BMPER: variants seen among roughly 807,000 people sequenced by gnomAD.
BMPER encodes BMP binding endothelial regulator.
Under a neutral mutation model 87.3 loss-of-function variants are expected in BMPER, and 45 were observed. That is an observed-to-expected ratio of 0.52 (90% CI 0.41 to 0.66). The LOEUF is 0.66. Among genes scored for constraint, BMPER ranks in the 30% least tolerant of loss-of-function variants. The probability of loss-of-function intolerance (pLI) is 0.00; values close to 1 mark genes in which losing one functional copy is unlikely to be tolerated. For synonymous variants in BMPER, 326 were observed against 316.2 expected (o/e 1.03, Z -0.33); for missense variants, 784 against 867.5 (o/e 0.90, Z 1.21).
At chr7:34,101,696 C>T (rs149163958) in intron 13 of BMPER, among the ~76,000 whole-genome samples, 12 of 152,296 alleles carry the variant, frequency 7.9e-5, no homozygotes, top group African/African-American at 2.2e-4. Context: ...GGGGTCTGTC[C>T]TTCAGTTCTT....
chr7:33,953,339 T>A (rs1785071825), intron 3 of BMPER, among the ~76,000 whole-genome samples: 1 of 152,228 alleles, frequency 6.6e-6, no homozygotes, highest in East Asian at 1.9e-4. Flanking sequence ...ATAAAGACCC[T>A]CAGTTATTTG....
chr7:34,114,935 T>C (rs1397396279), intron 13 of BMPER, among the ~76,000 whole-genome samples: 1 of 152,084 alleles, frequency 6.6e-6, no homozygotes, highest in Non-Finnish European at 1.5e-5. Context: ...TAAGAGAGAG[T>C]CAAGGAAATG....
intron 1 of BMPER, 40 bp downstream of exon 1, chr7:33,905,786 C>T (rs201646656): frequency 4.0e-5 from 51 of 1,277,446 alleles, no homozygotes; most frequent in Middle Eastern, 2.2e-4. Flanking sequence ...TCCGGGACGC[C>T]GGTTTGGTAC....
At chr7:33,986,051 T>G (rs571127354) in intron 6 of BMPER, among the ~76,000 whole-genome samples, 2 of 152,344 alleles carry the variant, frequency 1.3e-5, no homozygotes, top group South Asian at 4.1e-4. Flanking sequence ...GACTTTTCAT[T>G]ATTTAAACTC....
At chr7:34,138,970 T>A (rs1022814911) in intron 13 of BMPER, among the ~76,000 whole-genome samples, 1 of 152,236 alleles carries the variant, frequency 6.6e-6, no homozygotes, top group South Asian at 2.1e-4. Flanking sequence ...GGGTGCATAC[T>A]GATTAAGAAA....
chr7:33,905,512 C>G (rs1783786061), upstream of BMPER: 1 of 1,405,962 alleles, frequency 7.1e-7, no homozygotes, highest in African/African-American at 1.4e-5. Context: ...GGACGGTCTC[C>G]CGACACGCCG....
chr7:33,967,323 A>T (rs552078648), intron 4 of BMPER, among the ~76,000 whole-genome samples: 1 of 152,322 alleles, frequency 6.6e-6, no homozygotes, highest in African/African-American at 2.4e-5. Flanking sequence ...CCCTAACCCT[A>T]TTTCGTTGTC....
intron 11 of BMPER, 128 bp from the exon 12 acceptor site, chr7:34,078,729 T>G: frequency 1.1e-6 from 1 of 950,664 alleles, no homozygotes; most frequent in South Asian, 1.4e-5. Context: ...CGACCACTTT[T>G]TTTTTTAAGT....
At chr7:34,139,118 T>G (rs189615120) in intron 13 of BMPER, among the ~76,000 whole-genome samples, 87 of 152,320 alleles carry the variant, frequency 5.7e-4, no homozygotes, top group Admixed American at 2.2e-3. Flanking sequence ...CTCCCTAAAA[T>G]TTGAAGTGCA....
At chr7:33,950,892 T>C (rs960055730) in intron 3 of BMPER, among the ~76,000 whole-genome samples, 1 of 152,166 alleles carries the variant, frequency 6.6e-6, no homozygotes, top group Non-Finnish European at 1.5e-5. Context: ...AGCTAGAAGA[T>C]AGCTTGCCCA....
At chr7:33,935,073 T>C (rs1386480014) in intron 2 of BMPER, among the ~76,000 whole-genome samples, 1 of 152,244 alleles carries the variant, frequency 6.6e-6, no homozygotes, top group Non-Finnish European at 1.5e-5. Context: ...ATATGTCTCT[T>C]TATTTTGAAT....
intron 8 of BMPER, among the ~76,000 whole-genome samples, chr7:34,053,239 A>G (rs560690704): frequency 6.6e-6 from 1 of 152,314 alleles, no homozygotes; most frequent in South Asian, 2.1e-4. Context: ...TAGAGTATGA[A>G]TTCACAGTCA....
chr7:33,936,091 G>C (rs567011204), intron 2 of BMPER, among the ~76,000 whole-genome samples: 1 of 152,220 alleles, frequency 6.6e-6, no homozygotes, highest in East Asian at 1.9e-4. Context: ...GTGTCTCCTT[G>C]GTTCTGAGCA....
At position 33,924,670 on chromosome 7, in the gene BMPER, C is replaced by CT. The variant is rs542768157; in HGVS notation, c.220-12612dup. ...GGGTATTTTCTTTATTTCTTTCTTT[C>CT]TTTTTTTGAGAGGGGAGGACGAAGT... On this transcript the variant is annotated intron_variant, in intron 2 of 14. Coordinates refer to ENST00000649409, the MANE Select transcript of BMPER (RefSeq NM_001365308.1). Among the ~76,000 whole-genome samples, 141 of 152,218 alleles carry CT rather than the reference C, an allele frequency of 9.3e-4. 1 individual carries two copies. The highest frequency in any genetic ancestry group is 5.4e-4 in the Non-Finnish European group (37 of 68,016).
intron 2 of BMPER, among the ~76,000 whole-genome samples, chr7:33,918,229 C>A (rs1784133567): frequency 6.6e-6 from 1 of 152,204 alleles, no homozygotes; most frequent in African/African-American, 2.4e-5. Context: ...TGGACTGTAG[C>A]AATAACATTA....
At position 34,127,199 on chromosome 7, in the gene BMPER, A is replaced by T. The variant is rs76174707; in HGVS notation, c.1746-16031A>T. Among the ~76,000 whole-genome samples the T allele has an allele frequency of 4.8e-3, 731 of 152,290 alleles. 5 individuals are homozygous for T. Among genetic ancestry groups the T allele is most frequent in the African/African-American group, 0.016 (652 of 41,570 alleles). On this transcript the variant is annotated intron_variant, in intron 13 of 14. Transcript: ENST00000649409. Reference sequence around the variant, plus strand: ...TGGGCTTTTGGCTGAAGTTGGATGCATGTCAGTAGGGATGTCCAAGTCTGT... The same window carrying T: ...TGGGCTTTTGGCTGAAGTTGGATGCTTGTCAGTAGGGATGTCCAAGTCTGT...
intron 13 of BMPER, among the ~76,000 whole-genome samples, chr7:34,091,669 A>T (rs1585824340): frequency 1.3e-5 from 2 of 152,332 alleles, no homozygotes; most frequent in African/African-American, 4.8e-5. Context: ...TTCTACATTG[A>T]TTTAACCCAC....
intron 6 of BMPER, among the ~76,000 whole-genome samples, chr7:34,003,975 T>G (rs76532606): frequency 0.085 from 12,990 of 152,174 alleles, 549 homozygotes; most frequent in Middle Eastern, 0.12. Flanking sequence ...TTGGCTATTA[T>G]TCTTCAAATA....
At chr7:33,960,446 C>G (rs1363664613) in intron 3 of BMPER, among the ~76,000 whole-genome samples, 1 of 152,084 alleles carries the variant, frequency 6.6e-6, no homozygotes, top group Admixed American at 6.6e-5. Context: ...GCTTATTGAC[C>G]AAGTCCAGGG....
Sources: allele counts gnomAD v4.1 joint callset (sites outside exome capture counted in the v4.1 genomes callset), GRCh38; gene constraint gnomAD v4.1.1; transcripts MANE v1.5; gene names NCBI Gene and HGNC (gene_info 2026-07-23, HGNC 2026-07-21).